The following HACL1 variants were observed in gnomAD, a reference collection of about 807,000 sequenced individuals.
HACL1 encodes the protein 1600020H07Rik.
In HACL1, 64 loss-of-function variants were observed where a neutral mutation model predicts 74.2. The ratio of observed to expected loss-of-function variants is 0.86; its 90% CI spans 0.70 to 1.06. The LOEUF (loss-of-function observed/expected upper bound fraction) is 1.06, where lower values mean the gene tolerates loss of function less well. HACL1 is among the 50% of genes least tolerant of loss of function. HACL1 has a pLI of 0.00. For synonymous variants in HACL1, 230 were observed against 238.8 expected (o/e 0.96, Z 0.34); for missense variants, 728 against 719.7 (o/e 1.01, Z -0.13).
intron 2 of HACL1, among the ~76,000 whole-genome samples, chr3:15,600,448 A>C (rs1453726880): frequency 6.6e-6 from 1 of 152,268 alleles, no homozygotes; most frequent in East Asian, 1.9e-4. Flanking sequence ...GATGCACTTA[A>C]AGTGGATTGA....
Position 15,586,522 on chromosome 3 carries a change from T to C in HACL1, c.459+3A>G. The stretch of plus-strand genomic sequence containing the variant: ...TTGGAGAGCTTGTTATTAAATACTG[T>C]ACCTTTTCAATAACAAAAGGAATAG... On this transcript the variant is annotated splice_donor_region_variant and intron_variant, in intron 6 of 16. Transcript: ENST00000321169. 2 of 1,519,354 alleles carry C rather than the reference T, an allele frequency of 1.3e-6. No homozygotes were observed. The highest frequency in any genetic ancestry group is 1.1e-5 in the South Asian group (1 of 88,378). The allele number at this position is 1,519,354 out of a possible 1,614,324, so 94.1% of individuals were successfully genotyped here. A position where few individuals can be genotyped will look rare whatever the true frequency, so the allele number is the denominator to read the frequency against.
At chr3:15,571,051 T>C (rs2063519359) in intron 12 of HACL1, among the ~76,000 whole-genome samples, 1 of 151,946 alleles carries the variant, frequency 6.6e-6, no homozygotes, top group Non-Finnish European at 1.5e-5. Context: ...GATCTACTAC[T>C]GCACTGCCAC....
chr3:15,576,294 T>C (rs894987123), intron 9 of HACL1, among the ~76,000 whole-genome samples: 14 of 152,122 alleles, frequency 9.2e-5, no homozygotes, highest in Admixed American at 7.9e-4. Context: ...TTGTTATTAA[T>C]AGTGCTGGCT....
At chr3:15,580,276 C>T (rs958893030) in intron 8 of HACL1, among the ~76,000 whole-genome samples, 2 of 152,128 alleles carry the variant, frequency 1.3e-5, no homozygotes. Flanking sequence ...TACAGACACA[C>T]ATCACCACCG....
chr3:15,563,363 C>A lies in HACL1; in HGVS notation c.1699G>T (p.Ala567Ser), dbSNP rs760159885. 2 of 1,610,328 alleles carry A rather than the reference C, an allele frequency of 1.2e-6. No homozygotes were observed. The highest frequency in any genetic ancestry group is 8.5e-7 in the Non-Finnish European group (1 of 1,177,214). The change falls in exon 16 of 17, where the codon GCC (alanine) becomes TCC (serine). Residue 567 changes from alanine (A) to serine (S), a missense_variant. Coordinates refer to ENST00000321169, the MANE Select transcript of HACL1 (RefSeq NM_012260.4). The stretch of plus-strand genomic sequence containing the variant: ...TGCTTAGCAACTGTATTTACCTGGG[C>A]CTTCCGTGTGGCTTGTGGCTCAATC... ...IMIEPQATRK[A>S]QDFHWLTRSN...
In HACL1 at chr3:15,578,987, T is replaced by G. The variant is rs535412904; in HGVS notation, c.803+923A>C. Among the ~76,000 whole-genome samples, 9 of 152,348 alleles carry G rather than the reference T, an allele frequency of 5.9e-5. No homozygotes were observed. The East Asian group carries it at 1.7e-3, about 29-fold the overall frequency. On this transcript the variant is annotated intron_variant, in intron 9 of 16. Transcript: ENST00000321169. ...ACATGTCTGGGGCTCACCCCTGAGCTGGACATGTGCAGACAGACTCAAAAC... is the reference window on the plus strand; with the variant it reads ...ACATGTCTGGGGCTCACCCCTGAGCGGGACATGTGCAGACAGACTCAAAAC...
intron 14 of HACL1, among the ~76,000 whole-genome samples, chr3:15,565,726 C>A (rs1306201498): frequency 6.6e-6 from 1 of 152,194 alleles, no homozygotes; most frequent in Non-Finnish European, 1.5e-5. Context: ...CATAAGTCAT[C>A]TTTTTTGTGT....
At chr3:15,574,432 C>T (rs2063588419) in intron 10 of HACL1, among the ~76,000 whole-genome samples, 2 of 152,074 alleles carry the variant, frequency 1.3e-5, no homozygotes, top group Non-Finnish European at 1.5e-5. Context: ...AAAAGGTTTG[C>T]ACACCACTAT....
intron 3 of HACL1, 98 bp from the exon 4 acceptor site, chr3:15,591,778 G>A (rs2063900229): frequency 2.9e-6 from 2 of 683,544 alleles, no homozygotes; most frequent in Admixed American, 2.5e-5. Context: ...TTCAAAGGAA[G>A]GACATACAAG....
chr3:15,561,246 G>GAACT (rs2063342329), intron 16 of HACL1, among the ~76,000 whole-genome samples: 1 of 152,212 alleles, frequency 6.6e-6, no homozygotes, highest in African/African-American at 2.4e-5. Context: ...TGAGTAGGAA[G>GAACT]AACTGTGCAC....
intron 2 of HACL1, among the ~76,000 whole-genome samples, chr3:15,600,608 G>A (rs1426506364): frequency 1.3e-5 from 2 of 152,122 alleles, no homozygotes. Context: ...ACCCTGCCCC[G>A]AACCAATCAT....
chr3:15,578,103 AAAAAAAAAAAAAAAACC>A (rs1249273239), intron 9 of HACL1, among the ~76,000 whole-genome samples: 1 of 151,064 alleles, frequency 6.6e-6, no homozygotes, highest in East Asian at 1.9e-4. Context: ...GTCTCAAAAA[AAAAAAAAAAAAAAAACC>A]AAAAACCCTA....
chr3:15,563,434 C>T lies in HACL1; in HGVS notation c.1628G>A (p.Arg543Lys). Reference protein sequence around the residue: ...QTPEELQKSLRQSLADTTKPS... With the variant: ...QTPEELQKSLKQSLADTTKPS... Reference sequence around the variant, plus strand: ...TTTAGTTGTGTCTGCTAGGCTCTGCCTCAGGGATTTTTGGAGTTCTTCTGG... The same window carrying T: ...TTTAGTTGTGTCTGCTAGGCTCTGCTTCAGGGATTTTTGGAGTTCTTCTGG... The change falls in exon 16 of 17, where the codon AGG (arginine) becomes AAG (lysine). Residue 543 changes from arginine to lysine, a missense_variant. Physicochemically the swap from Arg to Lys is conservative, Grantham distance 26. Transcript: ENST00000321169. 6.2e-7 allele frequency: 1 copy of T among 1,613,276 alleles called. No homozygotes were observed. Among genetic ancestry groups the T allele is most frequent in the Non-Finnish European group, 8.5e-7 (1 of 1,179,240 alleles).
intron 2 of HACL1, 93 bp downstream of exon 2, chr3:15,600,997 G>C: frequency 1.3e-6 from 1 of 764,092 alleles, no homozygotes; most frequent in Non-Finnish European, 2.4e-6. Flanking sequence ...TAGCAGAAGA[G>C]TGGTAAGCGC....
intron 8 of HACL1, among the ~76,000 whole-genome samples, chr3:15,581,880 GA>G (rs1364591818): frequency 6.6e-6 from 1 of 152,164 alleles, no homozygotes; most frequent in African/African-American, 2.4e-5. Context: ...GTTAAAAGAA[GA>G]ATGAAAACTA....
At chr3:15,585,210 T>G (rs757250066) in intron 7 of HACL1, 38 bp downstream of exon 7, 3 of 967,622 alleles carry the variant, frequency 3.1e-6, no homozygotes, top group Non-Finnish European at 5.1e-6. Flanking sequence ...ATAATACATG[T>G]ACATTGAAGA....
At position 15,563,507 on chromosome 3, in the gene HACL1, C is replaced by T. The variant is rs75831568; in HGVS notation, c.1555G>A (p.Glu519Lys). 2.1e-4 allele frequency: 345 copies of T among 1,612,416 alleles called. 2 individuals carry two copies. The African/African-American group carries it at 3.9e-3, about 18-fold the overall frequency. Reference sequence around the variant, plus strand: ...CCTCCAAATGCAGTCATGACTTGCTCATAATGTGAATTTGGCAGCAAACAC... The same window carrying T: ...CCTCCAAATGCAGTCATGACTTGCTTATAATGTGAATTTGGCAGCAAACAC... ...PMCLLPNSHYEQVMTAFGGKG... is the reference protein window; with the variant it reads ...PMCLLPNSHYKQVMTAFGGKG... Residue 519 changes from glutamate (E) to lysine (K), a missense_variant, in exon 16 of 17, where the codon GAG (glutamate) becomes AAG (lysine). Transcript: ENST00000321169.
chr3:15,591,556 T>C (rs1258866551), intron 4 of HACL1, 44 bp downstream of exon 4: 7 of 1,172,844 alleles, frequency 6.0e-6, no homozygotes, highest in Non-Finnish European at 8.9e-6. Flanking sequence ...AATCCTGCAG[T>C]GACCTTTTTA....
At chr3:15,575,716 T>G (rs924525340) in intron 9 of HACL1, among the ~76,000 whole-genome samples, 1 of 152,060 alleles carries the variant, frequency 6.6e-6, no homozygotes, top group African/African-American at 2.4e-5. Flanking sequence ...TAATTTTTAA[T>G]TTTTTGTAGA....
Sources: gnomAD v4.1 joint callset for allele counts (sites outside exome capture counted in the v4.1 genomes callset) on GRCh38, gnomAD v4.1.1 for gene constraint, MANE v1.5 for transcripts, NCBI Gene and HGNC (gene_info 2026-07-23, HGNC 2026-07-21) for gene names.